The following OMA1 variants were observed in gnomAD, a reference collection of about 807,000 sequenced individuals.
The protein encoded by OMA1 is metalloendopeptidase OMA1, mitochondrial.
A neutral mutation model predicts 30.9 loss-of-function variants in OMA1; 38 were observed. That is an observed-to-expected ratio of 1.23 (90% CI 0.95 to 1.61). The LOEUF is 1.61. Among genes scored for constraint, OMA1 ranks in the 40% most tolerant of loss-of-function variants. The pLI, the probability that OMA1 is intolerant of heterozygous loss-of-function variation, is 0.00. For synonymous variants in OMA1, 173 were observed against 121.9 expected (o/e 1.42, Z -2.76); for missense variants, 461 against 349.2 (o/e 1.32, Z -2.55).
intron 7 of OMA1, among the ~76,000 whole-genome samples, chr1:58,519,243 T>A (rs1646222645): frequency 6.6e-6 from 1 of 152,224 alleles, no homozygotes; most frequent in East Asian, 1.9e-4. Flanking sequence ...ACTTGTTTTT[T>A]ATTTTTGTGG....
intron 8 of OMA1, among the ~76,000 whole-genome samples, chr1:58,490,795 C>CTTTTTTTTT (rs148145860): frequency 6.7e-5 from 4 of 59,272 alleles, no homozygotes; most frequent in South Asian, 9.7e-4. Context: ...AGTCAACATT[C>CTTTTTTTTT]TTTTTTTTTT....
chr1:58,517,902 T>G (rs1221076443), intron 7 of OMA1, among the ~76,000 whole-genome samples: 1 of 151,594 alleles, frequency 6.6e-6, no homozygotes, highest in Non-Finnish European at 1.5e-5. Flanking sequence ...AAAGTGAGTA[T>G]CAGGCCGGGC....
chr1:58,514,811 AAATAT>A (rs976555098), intron 7 of OMA1, among the ~76,000 whole-genome samples: 4 of 152,190 alleles, frequency 2.6e-5, no homozygotes, highest in African/African-American at 9.6e-5. Flanking sequence ...TCCAGCAGGC[AAATAT>A]AAGATGGAAA....
At chr1:58,508,784 G>C (rs1418487389) in intron 7 of OMA1, among the ~76,000 whole-genome samples, 1 of 152,062 alleles carries the variant, frequency 6.6e-6, no homozygotes, top group African/African-American at 2.4e-5. Flanking sequence ...ACCACTCCCT[G>C]AAGCTCAGCA....
intron 8 of OMA1, 51 bp downstream of exon 8, chr1:58,506,009 A>T (rs1645982880): frequency 1.3e-6 from 1 of 794,496 alleles, no homozygotes; most frequent in South Asian, 1.6e-5. Flanking sequence ...CAGCATTAAA[A>T]ATAAATGATA....
At chr1:58,519,511 C>G (rs1027569758) in intron 7 of OMA1, among the ~76,000 whole-genome samples, 1 of 152,120 alleles carries the variant, frequency 6.6e-6, no homozygotes, top group Non-Finnish European at 1.5e-5. Context: ...TCACCTCAGG[C>G]TCTGAATGAG....
At position 58,530,720 on chromosome 1, in the gene OMA1, C is replaced by T. The variant is rs528925999; in HGVS notation, c.1021G>A (p.Ala341Thr). ...HAVLGHAAEK[A>T]GMVHLLDFLG... The stretch of plus-strand genomic sequence containing the variant: ...AAATCCAACAAATGAACCATGCCAG[C>T]CTTTTCTGCCTAAGAATAATCAAAA... The change falls in exon 6 of 9, where the codon GCT becomes ACT. Residue 341 changes from alanine (A) to threonine (T), a missense_variant. Physicochemically the swap from Ala to Thr is moderately conservative, Grantham distance 58. Coordinates refer to ENST00000371226, the MANE Select transcript of OMA1 (RefSeq NM_145243.5). The T allele has an allele frequency of 3.4e-6, 3 of 872,354 alleles. No individual in the cohort carries two copies. In the East Asian group the frequency reaches 7.2e-5, roughly 21 times the overall value. 54.0% of individuals were successfully genotyped at this position (872,354 alleles called of 1,614,324 possible).
chr1:58,524,767 GC>G (rs1321636698), intron 7 of OMA1, among the ~76,000 whole-genome samples: 1 of 152,078 alleles, frequency 6.6e-6, no homozygotes, highest in Non-Finnish European at 1.5e-5. Context: ...AGTATCACTA[GC>G]AGCAACTCAT....
At chr1:58,517,195 A>T (rs1397471095) in intron 7 of OMA1, among the ~76,000 whole-genome samples, 1 of 152,226 alleles carries the variant, frequency 6.6e-6, no homozygotes, top group Non-Finnish European at 1.5e-5. Context: ...ACAAGAGCTC[A>T]AACACACATC....
chr1:58,537,329 A>G (rs1336660955), intron 2 of OMA1, among the ~76,000 whole-genome samples: 1 of 152,136 alleles, frequency 6.6e-6, no homozygotes, highest in Non-Finnish European at 1.5e-5. Context: ...TGCTCCTCAG[A>G]CCTCCAACAC....
intron 8 of OMA1, among the ~76,000 whole-genome samples, chr1:58,496,099 GTA>G (rs1010799440): frequency 2.0e-5 from 3 of 151,828 alleles, no homozygotes; most frequent in African/African-American, 7.3e-5. Context: ...ATGTACAAAT[GTA>G]TCTTTCCCAT....
intron 8 of OMA1, among the ~76,000 whole-genome samples, chr1:58,504,329 G>A (rs1172279649): frequency 1.3e-5 from 2 of 152,102 alleles, no homozygotes; most frequent in Non-Finnish European, 2.9e-5. Context: ...AACATACGCT[G>A]ACTTTAGGTT....
chr1:58,492,919 G>A (rs1645724224), intron 8 of OMA1, among the ~76,000 whole-genome samples: 2 of 152,132 alleles, frequency 1.3e-5, no homozygotes, highest in African/African-American at 4.8e-5. Context: ...CATTTTATGA[G>A]GCCAGCATCA....
At chr1:58,489,391 G>T (rs1377920995) in intron 8 of OMA1, among the ~76,000 whole-genome samples, 1 of 152,224 alleles carries the variant, frequency 6.6e-6, no homozygotes, top group Non-Finnish European at 1.5e-5. Context: ...AGCGAGGCTG[G>T]GGGAGGGGTG....
chr1:58,494,497 G>A (rs1281644901), intron 8 of OMA1, among the ~76,000 whole-genome samples: 1 of 152,074 alleles, frequency 6.6e-6, no homozygotes, highest in African/African-American at 2.4e-5. Flanking sequence ...CAGAATGGGA[G>A]AAAATTTTTG....
chr1:58,485,531 T>C (rs1274014915), intron 8 of OMA1, among the ~76,000 whole-genome samples: 4 of 152,138 alleles, frequency 2.6e-5, no homozygotes, highest in Admixed American at 6.5e-5. Context: ...GTTATGACCA[T>C]ACATATTTCT....
intron 8 of OMA1, among the ~76,000 whole-genome samples, chr1:58,505,308 A>G (rs1244354687): frequency 2.0e-5 from 3 of 152,206 alleles, no homozygotes. Flanking sequence ...CAATTCTTAA[A>G]TTGCTAAAAA....
chr1:58,525,765 T>A (rs1212803267), intron 7 of OMA1, among the ~76,000 whole-genome samples: 1 of 152,068 alleles, frequency 6.6e-6, no homozygotes, highest in East Asian at 1.9e-4. Context: ...AAGAGTCAAA[T>A]CAATTCTGCA....
At chr1:58,529,091 G>T (rs906091795) in intron 6 of OMA1, among the ~76,000 whole-genome samples, 1 of 152,084 alleles carries the variant, frequency 6.6e-6, no homozygotes, top group Non-Finnish European at 1.5e-5. Context: ...TTCAAAATAT[G>T]AGATCCTACA....
Sources: allele counts gnomAD v4.1 joint callset (sites outside exome capture counted in the v4.1 genomes callset), GRCh38; gene constraint gnomAD v4.1.1; transcripts MANE v1.5; gene names NCBI Gene and HGNC (gene_info 2026-07-23, HGNC 2026-07-21).